The following DPP10 variants were observed in gnomAD, a reference collection of about 807,000 sequenced individuals.
The protein encoded by DPP10 is inactive dipeptidyl peptidase 10.
DPP10 carries 33 observed loss-of-function variants against 120.9 expected under a neutral mutation model. The observed-to-expected ratio is 0.27, with a 90% CI of 0.21 to 0.37. The LOEUF is 0.37. Ranked by LOEUF, DPP10 falls within the 10% of genes least tolerant of loss-of-function variation. The probability of loss-of-function intolerance (pLI) is 1.00; values close to 1 mark genes in which losing one functional copy is unlikely to be tolerated. For synonymous variants in DPP10, 337 were observed against 326.1 expected (o/e 1.03, Z -0.36); for missense variants, 816 against 942.8 (o/e 0.87, Z 1.76).
At chr2:114,762,733 C>A (rs1473952153) in intron 1 of DPP10, among the ~76,000 whole-genome samples, 1 of 152,144 alleles carries the variant, frequency 6.6e-6, no homozygotes, top group Non-Finnish European at 1.5e-5. Flanking sequence ...CTGAGCAGAG[C>A]CTTAACCACT....
intron 3 of DPP10, among the ~76,000 whole-genome samples, chr2:115,459,186 A>G (rs1296534181): frequency 4.6e-5 from 7 of 150,592 alleles, no homozygotes; most frequent in African/African-American, 7.3e-5. Context: ...AGTCTGGGTC[A>G]TGCTCTGTTG....
intron 3 of DPP10, among the ~76,000 whole-genome samples, chr2:115,456,876 G>T (rs1337001440): frequency 6.6e-6 from 1 of 151,842 alleles, no homozygotes; most frequent in Non-Finnish European, 1.5e-5. Context: ...GTAAATGATG[G>T]GTTGATGGGT....
At chr2:115,824,184 G>C (rs921345580) in intron 21 of DPP10, among the ~76,000 whole-genome samples, 3 of 152,020 alleles carry the variant, frequency 2.0e-5, no homozygotes, top group Non-Finnish European at 4.4e-5. Flanking sequence ...TTAAAAAAAT[G>C]CTCAATGTTT....
At chr2:114,722,474 C>G (rs1701757859) in intron 1 of DPP10, among the ~76,000 whole-genome samples, 2 of 151,864 alleles carry the variant, frequency 1.3e-5, no homozygotes, top group African/African-American at 4.8e-5. Context: ...TAGAAAAACT[C>G]AGATCTTAAA....
intron 3 of DPP10, among the ~76,000 whole-genome samples, chr2:115,439,376 C>CATTCCA (rs2071807563): frequency 6.6e-6 from 1 of 152,168 alleles, no homozygotes; most frequent in Admixed American, 6.6e-5. Flanking sequence ...AATGATGAAA[C>CATTCCA]GTGTCAGGAC....
chr2:115,791,256 C>T (rs1346435923), intron 18 of DPP10, 31 bp from the exon 19 acceptor site: 1 of 1,604,282 alleles, frequency 6.2e-7, no homozygotes, highest in Non-Finnish European at 8.5e-7. Context: ...AATGACTCTC[C>T]ATCTTTAATA....
At chr2:115,598,617 A>C (rs2083130902) in intron 5 of DPP10, among the ~76,000 whole-genome samples, 1 of 151,998 alleles carries the variant, frequency 6.6e-6, no homozygotes, top group Admixed American at 6.6e-5. Flanking sequence ...CTGAATTAAT[A>C]TACACACAGA....
intron 1 of DPP10, among the ~76,000 whole-genome samples, chr2:114,730,475 G>T (rs1457642906): frequency 6.6e-6 from 1 of 152,188 alleles, no homozygotes; most frequent in African/African-American, 2.4e-5. Flanking sequence ...GTTCATTTTT[G>T]CCTGGCATGC....
intron 1 of DPP10, among the ~76,000 whole-genome samples, chr2:114,961,826 C>A (rs1428424603): frequency 6.6e-6 from 1 of 152,020 alleles, no homozygotes; most frequent in African/African-American, 2.4e-5. Flanking sequence ...TGATGGCGAG[C>A]ACCTGTAATC....
At chr2:114,605,561 T>G (rs1692716755) in intron 1 of DPP10, among the ~76,000 whole-genome samples, 1 of 152,160 alleles carries the variant, frequency 6.6e-6, no homozygotes, top group Non-Finnish European at 1.5e-5. Flanking sequence ...TTTATGTTAT[T>G]GATAAGCTTT....
At chr2:115,499,365 G>T in intron 3 of DPP10, 145 bp from the exon 4 acceptor site, 1 of 602,504 alleles carries the variant, frequency 1.7e-6, no homozygotes, top group Non-Finnish European at 2.8e-6. Flanking sequence ...GAGAATGAAT[G>T]CCAAGTACAG....
intron 3 of DPP10, among the ~76,000 whole-genome samples, chr2:115,357,684 T>C (rs2064488243): frequency 6.6e-6 from 1 of 152,220 alleles, no homozygotes; most frequent in East Asian, 1.9e-4. Context: ...TGGGGGCTCC[T>C]ACTCCACATT....
intron 1 of DPP10, among the ~76,000 whole-genome samples, chr2:115,020,399 G>A (rs1270118625): frequency 6.6e-6 from 1 of 152,084 alleles, no homozygotes; most frequent in Non-Finnish European, 1.5e-5. Context: ...AGCAAAAGCA[G>A]TTTAAAAAGA....
chr2:115,357,071 T>C (rs903271346), intron 3 of DPP10, among the ~76,000 whole-genome samples: 4 of 152,232 alleles, frequency 2.6e-5, no homozygotes, highest in Non-Finnish European at 5.9e-5. Context: ...ATCTTTATGT[T>C]CATGTGTACT....
rs182659180 is a variant in DPP10, at chr2:114,773,410, A to G, written c.60+330572A>G. Among the ~76,000 whole-genome samples the G allele has an allele frequency of 4.1e-3, 612 of 148,590 alleles. 5 individuals carry two copies. The highest frequency in any genetic ancestry group is 0.015 in the African/African-American group (589 of 40,320). On this transcript the variant is annotated intron_variant, in intron 1 of 25. Transcript: ENST00000410059. ...TCATCACGGACTTTTAGTTTATACA[A>G]ATTATAACTCAACAGACCTGACTTT...
At chr2:115,227,816 GCTTT>G (rs1239598223) in intron 1 of DPP10, among the ~76,000 whole-genome samples, 3 of 151,218 alleles carry the variant, frequency 2.0e-5, no homozygotes, top group Non-Finnish European at 4.4e-5. Context: ...GCCATTTTAT[GCTTT>G]CTTTTTATTC....
chr2:114,633,139 G>A (rs1299601413), intron 1 of DPP10, among the ~76,000 whole-genome samples: 1 of 126,236 alleles, frequency 7.9e-6, no homozygotes, highest in East Asian at 2.6e-4. Context: ...AGAACTAGAA[G>A]ATATATTAAA....
intron 3 of DPP10, among the ~76,000 whole-genome samples, chr2:115,464,591 T>G (rs2074200040): frequency 6.6e-6 from 1 of 152,056 alleles, no homozygotes; most frequent in Non-Finnish European, 1.5e-5. Flanking sequence ...TGTTTACACA[T>G]GCTACTCCTC....
At chr2:114,823,652 G>T (rs1377462839) in intron 1 of DPP10, among the ~76,000 whole-genome samples, 1 of 152,144 alleles carries the variant, frequency 6.6e-6, no homozygotes, top group African/African-American at 2.4e-5. Flanking sequence ...AGTGATTCTG[G>T]TGAACTGGTA....
Sources: allele counts gnomAD v4.1 joint callset (sites outside exome capture counted in the v4.1 genomes callset), GRCh38; gene constraint gnomAD v4.1.1; transcripts MANE v1.5; gene names NCBI Gene and HGNC (gene_info 2026-07-23, HGNC 2026-07-21).